Variants in FHIT observed in about 807,000 individuals in gnomAD.
The protein encoded by FHIT is fragile histidine triad diadenosine triphosphatase, also known as bis(5'-adenosyl)-triphosphatase.
A neutral mutation model predicts 17.9 loss-of-function variants in FHIT; 19 were observed. The observed-to-expected ratio is 1.06, with a 90% confidence interval of 0.74 to 1.56. The LOEUF is 1.56. Ranked by LOEUF, FHIT falls within the 40% of genes most tolerant of loss-of-function variation. The pLI is 0.00. For missense variants in FHIT, 248 were observed against 189.2 expected (o/e 1.31, Z -1.82); for synonymous variants, 81 against 69.7 (o/e 1.16, Z -0.81).
At chr3:60,558,797 A>G (rs1164329356) in intron 4 of FHIT, among the ~76,000 whole-genome samples, 1 of 152,134 alleles carries the variant, frequency 6.6e-6, no homozygotes, top group Non-Finnish European at 1.5e-5. Context: ...TACCATTACC[A>G]ATCAATCAGA....
chr3:60,278,208 C>A (rs1054253549), intron 5 of FHIT, among the ~76,000 whole-genome samples: 3 of 152,112 alleles, frequency 2.0e-5, no homozygotes, highest in African/African-American at 4.8e-5. Context: ...TGTCCAAGAA[C>A]CCTATCATGT....
intron 5 of FHIT, among the ~76,000 whole-genome samples, chr3:60,196,056 T>C (rs1387375465): frequency 1.3e-5 from 2 of 152,126 alleles, no homozygotes; most frequent in African/African-American, 4.8e-5. Context: ...AACTTGAAAG[T>C]GATACAGTTT....
chr3:61,207,858 T>C (rs2039302641), intron 1 of FHIT, among the ~76,000 whole-genome samples: 1 of 152,338 alleles, frequency 6.6e-6, no homozygotes, highest in African/African-American at 2.4e-5. Context: ...TGCCTTCTGC[T>C]AGTGTTGAGT....
Position 60,805,510 on chromosome 3 carries a change from T to G in FHIT, c.-18+16409A>C, listed in dbSNP as rs537971788. ...GTTGCATTGGATTAGGTCCCACCCT[T>G]ATGACCTCATTTAACATTAATTACC... On this transcript the variant is annotated intron_variant, in intron 4 of 9. Transcript: ENST00000492590. Among the ~76,000 whole-genome samples the G allele has an allele frequency of 2.0e-5, 3 of 152,302 alleles. No homozygotes were observed. The East Asian group carries it at 5.8e-4, about 29-fold the overall frequency.
intron 2 of FHIT, among the ~76,000 whole-genome samples, chr3:61,081,101 G>C (rs1445520077): frequency 6.6e-6 from 1 of 152,164 alleles, no homozygotes; most frequent in Non-Finnish European, 1.5e-5. Context: ...AAATCTCCTA[G>C]TACTTGGAAT....
intron 2 of FHIT, among the ~76,000 whole-genome samples, chr3:61,044,860 G>T (rs1052722349): frequency 6.6e-6 from 1 of 152,194 alleles, no homozygotes; most frequent in Non-Finnish European, 1.5e-5. Context: ...TTTCAACCCA[G>T]AATTTCATAA....
intron 4 of FHIT, among the ~76,000 whole-genome samples, chr3:60,543,899 A>T (rs904269642): frequency 1.3e-5 from 1 of 75,602 alleles, no homozygotes. Context: ...CGCCCGCACC[A>T]CGCCCGGCTT....
chr3:60,185,441 T>C (rs1702117597), intron 5 of FHIT, among the ~76,000 whole-genome samples: 2 of 152,226 alleles, frequency 1.3e-5, no homozygotes, highest in South Asian at 4.1e-4. Flanking sequence ...TCCATGTTTC[T>C]ATGTATAGTT....
At chr3:60,978,457 A>G (rs905100303) in intron 3 of FHIT, among the ~76,000 whole-genome samples, 9 of 152,178 alleles carry the variant, frequency 5.9e-5, no homozygotes, top group African/African-American at 2.2e-4. Flanking sequence ...CTTTTTCTTT[A>G]CAGGTATTTC....
chr3:60,645,384 G>C (rs1553686489), intron 4 of FHIT, among the ~76,000 whole-genome samples: 1 of 152,078 alleles, frequency 6.6e-6, no homozygotes, highest in East Asian at 1.9e-4. Context: ...AAACTTCCCA[G>C]GCTTGATGCA....
chr3:60,499,546 C>A (rs1576765772), intron 5 of FHIT, among the ~76,000 whole-genome samples: 1 of 152,192 alleles, frequency 6.6e-6, no homozygotes, highest in Admixed American at 6.5e-5. Context: ...TGCCCGCCAC[C>A]GCACCCGGCT....
At chr3:60,314,117 T>C (rs868199951) in intron 5 of FHIT, among the ~76,000 whole-genome samples, 2 of 200 alleles carry the variant, frequency 0.01, no homozygotes, top group South Asian at 0.17. Context: ...GCATAAACAT[T>C]TTCCCTTCAA....
intron 3 of FHIT, among the ~76,000 whole-genome samples, chr3:60,855,511 T>C (rs1371915294): frequency 1.3e-5 from 2 of 152,106 alleles, no homozygotes; most frequent in Non-Finnish European, 2.9e-5. Flanking sequence ...TGAAAGACAC[T>C]GGGTCCTTTA....
chr3:61,251,312 T>C lies in FHIT; in HGVS notation c.-224A>G, dbSNP rs1156229905. The C allele has an allele frequency of 2.0e-5, 3 of 152,504 alleles. 1 individual carries two copies. Among genetic ancestry groups the C allele is most frequent in the Admixed American group, 2.0e-4 (3 of 15,288 alleles). The allele number at this position is 152,504 out of a possible 1,614,324, so 9.4% of individuals were successfully genotyped here. On this transcript the variant is annotated 5_prime_UTR_variant, in exon 1 of 10. Transcript: ENST00000492590. ...CTCCCCGCCCCTACCTTCCAGGATG[T>C]TGACAGCTGGGAATGAAAGGCAGAG...
chr3:60,458,162 A>G (rs963105268), intron 5 of FHIT, among the ~76,000 whole-genome samples: 1 of 152,132 alleles, frequency 6.6e-6, no homozygotes, highest in African/African-American at 2.4e-5. Flanking sequence ...TACTCACACT[A>G]GCAAAGACTT....
At chr3:61,011,164 T>C (rs1575834215) in intron 3 of FHIT, among the ~76,000 whole-genome samples, 1 of 152,186 alleles carries the variant, frequency 6.6e-6, no homozygotes, top group Admixed American at 6.5e-5. Flanking sequence ...TTTTCTTGTG[T>C]AGCTTAGAGA....
chr3:60,514,980 A>G (rs2035096216), intron 5 of FHIT, among the ~76,000 whole-genome samples: 1 of 151,608 alleles, frequency 6.6e-6, no homozygotes, highest in South Asian at 2.1e-4. Flanking sequence ...AGCAGAGGCC[A>G]CCTTACTAGA....
intron 4 of FHIT, among the ~76,000 whole-genome samples, chr3:60,630,442 A>G (rs2039408737): frequency 6.6e-6 from 1 of 152,038 alleles, no homozygotes. Context: ...GCAAGAACCC[A>G]CTCTTTCCAA....
chr3:60,162,698 TGAG>T (rs1367102159), intron 5 of FHIT, among the ~76,000 whole-genome samples: 5 of 152,158 alleles, frequency 3.3e-5, no homozygotes, highest in Admixed American at 6.5e-5. Context: ...ACAATTAATA[TGAG>T]GAGAAGTTAA....
Sources: gnomAD v4.1 joint callset for allele counts (sites outside exome capture counted in the v4.1 genomes callset) on GRCh38, gnomAD v4.1.1 for gene constraint, MANE v1.5 for transcripts, NCBI Gene and HGNC (gene_info 2026-07-23, HGNC 2026-07-21) for gene names.